NRCAM: variants seen among roughly 807,000 people sequenced by gnomAD.
The protein encoded by NRCAM is NgCAM-related cell adhesion molecule.
NRCAM carries 83 observed loss-of-function variants against 156.5 expected under a neutral mutation model. The ratio of observed to expected loss-of-function variants is 0.53; its 90% CI spans 0.44 to 0.64. NRCAM has a LOEUF of 0.64. NRCAM is among the 30% of genes least tolerant of loss of function. The pLI is 0.00. For missense variants in NRCAM, 1,417 were observed against 1,597.3 expected, an observed-to-expected ratio of 0.89 and a Z score of 1.92; for synonymous variants, 538 against 563.9, an observed-to-expected ratio of 0.95 and a Z score of 0.65.
chr7:108,312,351 A>G (rs1176838281), intron 3 of NRCAM, among the ~76,000 whole-genome samples: 1 of 152,066 alleles, frequency 6.6e-6, no homozygotes, highest in Admixed American at 6.6e-5. Context: ...CCCTTTATAA[A>G]CATTTTTACT....
intron 14 of NRCAM, 80 bp from the exon 15 acceptor site, chr7:108,195,952 G>T (rs2074806732): frequency 3.2e-6 from 3 of 939,452 alleles, no homozygotes; most frequent in African/African-American, 3.3e-5. Context: ...TTTGTTTTAA[G>T]GTCATTAAAG....
At chr7:108,166,687 T>C (rs2151821000) in intron 30 of NRCAM, among the ~76,000 whole-genome samples, 1 of 152,384 alleles carries the variant, frequency 6.6e-6, no homozygotes, top group South Asian at 2.1e-4. Context: ...TATTTAAGTC[T>C]ATTTTTCTGA....
chr7:108,369,883 T>C (rs1380800924), intron 2 of NRCAM, among the ~76,000 whole-genome samples: 1 of 152,150 alleles, frequency 6.6e-6, no homozygotes, highest in Non-Finnish European at 1.5e-5. Flanking sequence ...ACTTGAACTT[T>C]AGCATCATTT....
At chr7:108,197,356 G>C (rs961195378) in intron 14 of NRCAM, among the ~76,000 whole-genome samples, 2 of 152,074 alleles carry the variant, frequency 1.3e-5, no homozygotes, top group African/African-American at 4.8e-5. Flanking sequence ...AATTTTAAAG[G>C]GCTGAAGTAT....
chr7:108,261,389 CTT>C (rs1450504065), intron 3 of NRCAM, among the ~76,000 whole-genome samples: 1 of 152,204 alleles, frequency 6.6e-6, no homozygotes, highest in Non-Finnish European at 1.5e-5. Context: ...GTATAGCTCT[CTT>C]TTGCTCCACA....
intron 2 of NRCAM, among the ~76,000 whole-genome samples, chr7:108,368,408 C>T (rs1406676297): frequency 6.6e-6 from 1 of 152,086 alleles, no homozygotes; most frequent in Non-Finnish European, 1.5e-5. Flanking sequence ...TAAATACATA[C>T]ACACGCATAC....
intron 3 of NRCAM, among the ~76,000 whole-genome samples, chr7:108,276,569 T>C (rs1211921972): frequency 6.6e-6 from 1 of 151,350 alleles, no homozygotes; most frequent in Non-Finnish European, 1.5e-5. Context: ...TGCTTTTTTT[T>C]TTTGCTTCCG....
Position 108,184,472 on chromosome 7 carries a change from G to A in NRCAM, c.2178C>T (p.Ser726=). Residue 726 remains serine, a synonymous_variant, in exon 21 of 33, where the codon AGC becomes AGT. Transcript: ENST00000379028. ...NYSFRVMAVN[S]IGKSLPSEAS... The stretch of plus-strand genomic sequence containing the variant: ...CCTCGCTGGGCAAGCTCTTCCCAAT[G>A]CTGTTCACTGCCATCACGCGGAAGG... 1 of 1,614,182 alleles carries A rather than the reference G, an allele frequency of 6.2e-7. No homozygotes were observed. Among genetic ancestry groups the A allele is most frequent in the Non-Finnish European group, 8.5e-7 (1 of 1,180,028 alleles).
rs144988533 is a variant in NRCAM, at chr7:108,273,588, C to T, written c.-106-33418G>A. Among the ~76,000 whole-genome samples the T allele has an allele frequency of 7.9e-5, 12 of 150,994 alleles. No homozygotes were observed. In the East Asian group the frequency reaches 1.4e-3, roughly 17 times the overall value. ...TTCATACCTTTGCCCACTTTTTATG[C>T]GGTTGTTTTTTTCTTGTAAATTTGT... On this transcript the variant is annotated intron_variant, in intron 3 of 32. Coordinates refer to ENST00000379028, the MANE Select transcript of NRCAM (RefSeq NM_001037132.4).
intron 3 of NRCAM, among the ~76,000 whole-genome samples, chr7:108,281,221 T>C (rs755066701): frequency 7.9e-5 from 12 of 152,184 alleles, no homozygotes; most frequent in Admixed American, 2.0e-4. Context: ...TTCAATTATA[T>C]AGTTGTTTAC....
intron 3 of NRCAM, among the ~76,000 whole-genome samples, chr7:108,280,699 TATTTTAC>T (rs150730146): frequency 0.011 from 1,654 of 152,360 alleles, 27 homozygotes; most frequent in African/African-American, 0.037. Flanking sequence ...AATGTCATTG[TATTTTAC>T]ATAATGAAAT....
chr7:108,230,695 C>T (rs1052350174), intron 8 of NRCAM, among the ~76,000 whole-genome samples: 3 of 151,854 alleles, frequency 2.0e-5, no homozygotes, highest in Non-Finnish European at 4.4e-5. Context: ...CTTGCTCTCT[C>T]ATTTCCTTAG....
intron 25 of NRCAM, among the ~76,000 whole-genome samples, chr7:108,179,481 G>A (rs1165866445): frequency 6.6e-6 from 1 of 152,148 alleles, no homozygotes; most frequent in African/African-American, 2.4e-5. Context: ...TGTCATAGTG[G>A]CATATTGTTG....
chr7:108,376,554 A>C (rs762094703), intron 2 of NRCAM, among the ~76,000 whole-genome samples: 8 of 152,116 alleles, frequency 5.3e-5, no homozygotes, highest in Non-Finnish European at 1.2e-4. Context: ...TCCTGTTCTC[A>C]TGTTACTTTA....
intron 1 of NRCAM, among the ~76,000 whole-genome samples, chr7:108,408,232 G>C (rs1351112177): frequency 6.6e-6 from 1 of 152,130 alleles, no homozygotes; most frequent in Non-Finnish European, 1.5e-5. Flanking sequence ...GTAGCACATA[G>C]ATTATATGCT....
At chr7:108,368,236 C>CCCG (rs1446455494) in intron 2 of NRCAM, among the ~76,000 whole-genome samples, 2 of 124,890 alleles carry the variant, frequency 1.6e-5, no homozygotes, top group Non-Finnish European at 3.3e-5. Context: ...CCCCCCCCAC[C>CCCG]CCCCCGCCTG....
rs1222286013 is a variant in NRCAM at position 108,302,213 on chromosome 7, C to T, written c.-107+10452G>A. ...CCTTGGGAATGCTATGTACTGTTTT[C>T]CTTCATTTTTGCTCTTGGCAAAATT... On this transcript the variant is annotated intron_variant, in intron 3 of 32. Transcript: ENST00000379028. Among the ~76,000 whole-genome samples the T allele has an allele frequency of 2.6e-5, 4 of 152,044 alleles. No individual in the cohort carries two copies. The East Asian group carries it at 7.7e-4, about 29-fold the overall frequency.
chr7:108,333,105 G>A (rs1276412522), intron 2 of NRCAM, among the ~76,000 whole-genome samples: 1 of 152,098 alleles, frequency 6.6e-6, no homozygotes, highest in Non-Finnish European at 1.5e-5. Flanking sequence ...AGTGTTCCCA[G>A]AGCAAATAAT....
In NRCAM at chr7:108,365,590, T is replaced by C. The variant is rs564703795; in HGVS notation, c.-174+33846A>G. Among the ~76,000 whole-genome samples, 3 of 150,558 alleles carry C rather than the reference T, an allele frequency of 2.0e-5. No homozygotes were observed. The East Asian group carries it at 5.8e-4, about 29-fold the overall frequency. ...AGGCTTGTAACATATTAATTATTAA[T>C]TTATTCTTCCTTCTCGTATTCAGAC... On this transcript the variant is annotated intron_variant, in intron 2 of 32. Transcript: ENST00000379028.
Sources: allele counts gnomAD v4.1 joint callset (sites outside exome capture counted in the v4.1 genomes callset), GRCh38; gene constraint gnomAD v4.1.1; transcripts MANE v1.5; gene names NCBI Gene and HGNC (gene_info 2026-07-23, HGNC 2026-07-21).